Variants in HDAC4 observed in about 807,000 individuals in gnomAD.
The protein encoded by HDAC4 is histone deacetylase 4, also known as histone deacetylase A.
HDAC4 carries 16 observed loss-of-function variants against 135.1 expected under a neutral mutation model. The ratio of observed to expected loss-of-function variants is 0.12; its 90% CI spans 0.08 to 0.18. HDAC4 has a LOEUF of 0.18. Ranked by LOEUF, HDAC4 falls within the 10% of genes least tolerant of loss-of-function variation. The pLI, the probability that HDAC4 is intolerant of heterozygous loss-of-function variation, is 1.00. For missense variants in HDAC4, 1,143 were observed against 1,511.8 expected, an observed-to-expected ratio of 0.76 and a Z score of 4.05; for synonymous variants, 685 against 653.4, an observed-to-expected ratio of 1.05 and a Z score of -0.74.
chr2:239,289,671 G>GC (rs1218219787), intron 2 of HDAC4, among the ~76,000 whole-genome samples: 2 of 152,180 alleles, frequency 1.3e-5, no homozygotes, highest in African/African-American at 2.4e-5. Flanking sequence ...GGCACGCAGG[G>GC]CCCCTCCCAG....
At chr2:239,373,099 G>A (rs1481262778) in intron 1 of HDAC4, among the ~76,000 whole-genome samples, 1 of 152,080 alleles carries the variant, frequency 6.6e-6, no homozygotes, top group South Asian at 2.1e-4. Flanking sequence ...TGGCCCTGTG[G>A]AGCACAGCCC....
At chr2:239,300,744 T>G (rs760903243) in intron 2 of HDAC4, among the ~76,000 whole-genome samples, 4 of 152,224 alleles carry the variant, frequency 2.6e-5, no homozygotes, top group Non-Finnish European at 2.9e-5. Flanking sequence ...CGAACTCCCC[T>G]CTCCGGTTCT....
At chr2:239,374,607 T>G (rs1485310284) in intron 1 of HDAC4, among the ~76,000 whole-genome samples, 2 of 150,454 alleles carry the variant, frequency 1.3e-5, no homozygotes, top group Admixed American at 6.6e-5. Context: ...GTTTCACCGT[T>G]TTAGCCAGGA....
intron 2 of HDAC4, among the ~76,000 whole-genome samples, chr2:239,273,769 A>G (rs568554606): frequency 6.6e-6 from 1 of 152,380 alleles, no homozygotes; most frequent in African/African-American, 2.4e-5. Flanking sequence ...AAGCTCCCCA[A>G]CAAATAGACT....
intron 3 of HDAC4, among the ~76,000 whole-genome samples, chr2:239,219,583 C>T (rs1173576234): frequency 3.3e-5 from 5 of 151,812 alleles, no homozygotes; most frequent in East Asian, 3.9e-4. Context: ...CTAACCTGCA[C>T]ATTGTGCACA....
At chr2:239,270,776 CGT>C (rs1330730744) in intron 2 of HDAC4, among the ~76,000 whole-genome samples, 1 of 152,056 alleles carries the variant, frequency 6.6e-6, no homozygotes, top group Non-Finnish European at 1.5e-5. Context: ...CAGATGTGAG[CGT>C]TACTGTGAGC....
intron 3 of HDAC4, among the ~76,000 whole-genome samples, chr2:239,212,114 A>G (rs758565604): frequency 5.9e-5 from 9 of 152,210 alleles, no homozygotes; most frequent in Non-Finnish European, 1.0e-4. Context: ...TAAAATTTTA[A>G]TCTGTAAGCC....
chr2:239,094,889 C>G (rs1020163671), intron 17 of HDAC4, 121 bp downstream of exon 17: 1 of 1,597,638 alleles, frequency 6.3e-7, no homozygotes, highest in African/African-American at 1.3e-5. Flanking sequence ...TGGGCAGCCC[C>G]TGCGTATGGA....
At position 239,048,971 on chromosome 2, in the gene HDAC4, G is replaced by A. The variant is rs746901016; in HGVS notation, c.*4126C>T. The A allele has an allele frequency of 6.6e-6, 1 of 152,236 alleles. No individual in the cohort carries two copies. Among genetic ancestry groups the A allele is most frequent in the South Asian group, 2.1e-4 (1 of 4,832 alleles). The allele number at this position is 152,236 out of a possible 1,614,324, so 9.4% of individuals were successfully genotyped here. ...CGTCACAAGGCCAGTGAGGGCGGGC[G>A]GCGCTCGCCTGGCCCGTGGAAGGAG... On this transcript the variant is annotated 3_prime_UTR_variant, in exon 27 of 27. Coordinates refer to ENST00000543185, the MANE Select transcript of HDAC4 (RefSeq NM_001378414.1).
chr2:239,291,071 G>T (rs557142998), intron 2 of HDAC4, among the ~76,000 whole-genome samples: 1 of 152,260 alleles, frequency 6.6e-6, no homozygotes, highest in Non-Finnish European at 1.5e-5. Context: ...GCGTGCCCGG[G>T]ACAGGGAGGA....
chr2:239,054,815 T>C lies in HDAC4; in HGVS notation c.3022A>G (p.Lys1008Glu), dbSNP rs751241729. The C allele has an allele frequency of 1.2e-6, 2 of 1,611,690 alleles. No homozygotes were observed. The highest frequency in any genetic ancestry group is 1.7e-5 in the Admixed American group (1 of 59,992). Reference sequence around the variant, plus strand: ...GCATTGGGTCTTTGCTGTAAAACCTTTTCTGGGAGAGGATCAAGCTGGAAG... The same window carrying C: ...GCATTGGGTCTTTGCTGTAAAACCTCTTCTGGGAGAGGATCAAGCTGGAAG... Reference protein sequence around the residue: ...LGNELDPLPEKVLQQRPNANA... With the variant: ...LGNELDPLPEEVLQQRPNANA... The change falls in exon 25 of 27, where the codon AAG becomes GAG. Residue 1008 changes from lysine to glutamate, a missense_variant. By Grantham distance (56) the Lys-to-Glu change is moderately conservative. This residue lies in a region of HDAC4 where 131 missense variants were observed against 130.6 expected (regional missense o/e 1.00). Coordinates refer to ENST00000543185, the MANE Select transcript of HDAC4 (RefSeq NM_001378414.1).
At chr2:239,292,545 A>T (rs1222656671) in intron 2 of HDAC4, among the ~76,000 whole-genome samples, 1 of 152,152 alleles carries the variant, frequency 6.6e-6, no homozygotes, top group Non-Finnish European at 1.5e-5. Context: ...GGGCCCAGAA[A>T]ATACAGACCC....
chr2:239,334,888 G>T (rs1280974869), intron 2 of HDAC4, among the ~76,000 whole-genome samples: 2 of 152,036 alleles, frequency 1.3e-5, no homozygotes, highest in Non-Finnish European at 2.9e-5. Context: ...AGCTGGGCAT[G>T]GTGGCGTGCA....
chr2:239,344,348 A>T (rs1400091226), intron 2 of HDAC4, among the ~76,000 whole-genome samples: 1 of 152,200 alleles, frequency 6.6e-6, no homozygotes, highest in African/African-American at 2.4e-5. Flanking sequence ...AGAACTCAGA[A>T]ATTTGCATTT....
At chr2:239,152,410 G>C (rs2042169851) in intron 7 of HDAC4, among the ~76,000 whole-genome samples, 1 of 152,258 alleles carries the variant, frequency 6.6e-6, no homozygotes, top group Non-Finnish European at 1.5e-5. Context: ...GACATGGGAA[G>C]GGACCAGGCA....
chr2:239,053,269 C>T, intron 26 of HDAC4, 133 bp from the exon 27 acceptor site: 1 of 1,358,748 alleles, frequency 7.4e-7, no homozygotes, highest in Non-Finnish European at 1.0e-6. Context: ...GCCCCGGGTC[C>T]ATCTGTTCAG....
At chr2:239,267,098 G>T (rs964047489) in intron 2 of HDAC4, among the ~76,000 whole-genome samples, 1 of 151,898 alleles carries the variant, frequency 6.6e-6, no homozygotes, top group East Asian at 1.9e-4. Flanking sequence ...TGCATGGGGG[G>T]TGCCGCTTGA....
At chr2:239,066,956 G>T (rs993878510) in intron 23 of HDAC4, 101 bp from the exon 24 acceptor site, 3 of 1,450,032 alleles carry the variant, frequency 2.1e-6, no homozygotes, top group Non-Finnish European at 9.5e-7. Context: ...CTGGGGGCTG[G>T]GGTGTCGAGA....
intron 22 of HDAC4, among the ~76,000 whole-genome samples, chr2:239,079,299 T>TGA (rs1324025849): frequency 1.3e-5 from 2 of 152,082 alleles, no homozygotes; most frequent in Non-Finnish European, 2.9e-5. Context: ...ATCAAACCGA[T>TGA]GAGATCAGGG....
Sources: gnomAD v4.1 joint callset for allele counts (sites outside exome capture counted in the v4.1 genomes callset) on GRCh38, gnomAD v4.1.1 for gene constraint, gnomAD v4.1.1 regional missense constraint, MANE v1.5 for transcripts, NCBI Gene and HGNC (gene_info 2026-07-23, HGNC 2026-07-21) for gene names.